The following SLC25A6 variants were observed in gnomAD, a reference collection of about 807,000 sequenced individuals.
SLC25A6 encodes the protein solute carrier family 25 member 6, also known as ADP/ATP translocase 3.
In SLC25A6, 9 loss-of-function variants were observed where a neutral mutation model predicts 25.7. The observed-to-expected ratio is 0.35, with a 90% CI of 0.21 to 0.61. SLC25A6 has a LOEUF of 0.61. Ranked by LOEUF, SLC25A6 falls within the 20% of genes least tolerant of loss-of-function variation. The pLI is 0.76. For missense variants in SLC25A6, 404 were observed against 440.5 expected (o/e 0.92, Z 0.74); for synonymous variants, 223 against 197.0 (o/e 1.13, Z -1.11).
At position 1,390,200 on chromosome X, in the gene SLC25A6, A is replaced by G. The variant is rs2089383397; in HGVS notation, c.112-473T>C. 4 of 181,826 alleles carry G rather than the reference A, an allele frequency of 2.2e-5. No homozygotes were observed. The South Asian group carries it at 4.6e-4, about 21-fold the overall frequency. 11.3% of individuals were successfully genotyped at this position (181,826 alleles called of 1,614,324 possible). A position where few individuals can be genotyped will look rare whatever the true frequency, so the allele number is the denominator to read the frequency against. ...CTAAGTTGAAAAATTACTTTTAGAG[A>G]TGGAGTCTTGCTACGATGACCAAGC... is the stretch of plus-strand genomic sequence containing the variant. On this transcript the variant is annotated intron_variant, in intron 1 of 3. Transcript: ENST00000381401.
intron 3 of SLC25A6, 23 bp downstream of exon 3, chrX:1,387,234 TGGTTCCCCTTCCCGGCAGCAAG>T: frequency 6.2e-7 from 1 of 1,603,020 alleles, no homozygotes; most frequent in Non-Finnish European, 8.5e-7. Flanking sequence ...GCAAGGAGCT[TGGTTCCCCTTCCCGGCAGCAAG>T]GGTCCCCCGC....
chrX:1,386,292 T>TA lies in SLC25A6; in HGVS notation c.*309dup, dbSNP rs1214286809. 5.6e-6 allele frequency: 2 copies of TA among 356,624 alleles called. No homozygotes were observed. Among genetic ancestry groups the TA allele is most frequent in the African/African-American group, 2.1e-5 (1 of 47,916 alleles). 22.1% of individuals were successfully genotyped at this position (356,624 alleles called of 1,614,324 possible). ...GATTCTTTTGTTTTAAATAAATACT[T>TA]AGAACACGACTTGGCTCCTACAAGC... On this transcript the variant is annotated 3_prime_UTR_variant, in exon 4 of 4. Transcript: ENST00000381401.
chrX:1,391,578 G>C (rs1187135381), intron 1 of SLC25A6, among the ~76,000 whole-genome samples: 5 of 152,246 alleles, frequency 3.3e-5, no homozygotes, highest in African/African-American at 1.2e-4. Context: ...CCAGCCGGGG[G>C]ACCCGCAGGA....
rs1290015362 is a variant in SLC25A6 at position 1,386,337 on chromosome X, G to A, written c.*265C>T. Reference sequence around the variant, plus strand: ...ACAAGCATCTGGACTCTAGGTCTCAGTACTGGAGTGTCTCACCCATGGGCC... The same window carrying A: ...ACAAGCATCTGGACTCTAGGTCTCAATACTGGAGTGTCTCACCCATGGGCC... On this transcript the variant is annotated 3_prime_UTR_variant, in exon 4 of 4. Coordinates refer to ENST00000381401, the MANE Select transcript of SLC25A6 (RefSeq NM_001636.4). The A allele has an allele frequency of 6.8e-6, 3 of 442,916 alleles. No homozygotes were observed. Among genetic ancestry groups the A allele is most frequent in the Non-Finnish European group, 1.2e-5 (3 of 254,382 alleles). The allele number at this position is 442,916 out of a possible 1,614,324, so 27.4% of individuals were successfully genotyped here.
At chrX:1,387,571 T>G in intron 2 of SLC25A6, 152 bp from the exon 3 acceptor site, 2 of 1,164,590 alleles carry the variant, frequency 1.7e-6, no homozygotes, top group Non-Finnish European at 2.4e-6. Flanking sequence ...CAGTGCCAGC[T>G]GACGTTTACA....
At chrX:1,390,938 T>C (rs760253085) in intron 1 of SLC25A6, among the ~76,000 whole-genome samples, 5 of 150,264 alleles carry the variant, frequency 3.3e-5, no homozygotes, top group Admixed American at 3.3e-4. Flanking sequence ...GTTTTAAAAA[T>C]TTTCTTAGAG....
In SLC25A6 at chrX:1,386,678, G is replaced by A. The variant is rs778134725; in HGVS notation, c.821C>T (p.Ala274Val). The change falls in exon 4 of 4, where the codon GCG (alanine) becomes GTG (valine). Residue 274 changes from alanine to valine, a missense_variant. Coordinates refer to ENST00000381401, the MANE Select transcript of SLC25A6 (RefSeq NM_001636.4). ...DEGGKAFFKG[A>V]WSNVLRGMGG... Reference sequence around the variant, plus strand: ...CATGCCCCGCAGGACGTTGGACCACGCACCCTTGAAGAAGGCCTTGCCCCC... The same window carrying A: ...CATGCCCCGCAGGACGTTGGACCACACACCCTTGAAGAAGGCCTTGCCCCC... 77 of 1,612,954 alleles carry A rather than the reference G, an allele frequency of 4.8e-5. No homozygotes were observed. In the Admixed American group the frequency reaches 1.0e-3, roughly 22 times the overall value.
At position 1,392,024 on chromosome X, in the gene SLC25A6, C is replaced by G; in HGVS notation, c.-15G>C. 6.3e-7 allele frequency: 1 copy of G among 1,587,666 alleles called. No homozygotes were observed. Among genetic ancestry groups the G allele is most frequent in the Non-Finnish European group, 8.6e-7 (1 of 1,163,782 alleles). On this transcript the variant is annotated 5_prime_UTR_variant, in exon 1 of 4. Coordinates refer to ENST00000381401, the MANE Select transcript of SLC25A6 (RefSeq NM_001636.4). ...TGTTCCGTCATGGTGGCAGGGCGGGCAGCGGAACGGGAGGACAGCCGGAGA... is the reference window on the plus strand; with the variant it reads ...TGTTCCGTCATGGTGGCAGGGCGGGGAGCGGAACGGGAGGACAGCCGGAGA...
chrX:1,386,862 G>T (rs1464542792), intron 3 of SLC25A6, 103 bp from the exon 4 acceptor site: 3 of 1,356,504 alleles, frequency 2.2e-6, no homozygotes, highest in East Asian at 2.4e-5. Context: ...CACCCCAGAC[G>T]CCTGAGCCAC....
Position 1,387,897 on chromosome X carries a change from C to T in SLC25A6, c.599-478G>A, listed in dbSNP as rs192230552. 9.2e-5 allele frequency among the ~76,000 whole-genome samples: 14 copies of T among 152,234 alleles called. No individual in the cohort carries two copies. The East Asian group carries it at 2.5e-3, about 27-fold the overall frequency. Reference sequence around the variant, plus strand: ...GTGTCCTTCTAAAAAGAGATGAGGACACAGACACACGGAGGGATGACCCTG... The same window carrying T: ...GTGTCCTTCTAAAAAGAGATGAGGATACAGACACACGGAGGGATGACCCTG... On this transcript the variant is annotated intron_variant, in intron 2 of 3. Transcript: ENST00000381401.
At chrX:1,388,157 G>A (rs1318562147) in intron 2 of SLC25A6, among the ~76,000 whole-genome samples, 2 of 152,094 alleles carry the variant, frequency 1.3e-5, no homozygotes, top group African/African-American at 4.8e-5. Flanking sequence ...ATGACCCTGT[G>A]AGGACACAGG....
intron 2 of SLC25A6, among the ~76,000 whole-genome samples, chrX:1,388,706 AG>A (rs2089360289): frequency 6.6e-6 from 1 of 151,966 alleles, no homozygotes; most frequent in Non-Finnish European, 1.5e-5. Context: ...TTCAGCCTGC[AG>A]GACTGTGGGA....
intron 2 of SLC25A6, 59 bp from the exon 3 acceptor site, chrX:1,387,478 TCGGCCCCCAGGGTGTGCTCA>T (rs1307477192): frequency 1.1e-5 from 18 of 1,597,176 alleles, no homozygotes; most frequent in Middle Eastern, 2.1e-4. Context: ...GAGACCAGGG[TCGGCCCCCAGGGTGTGCTCA>T]CGGCCCCCTG....
intron 2 of SLC25A6, among the ~76,000 whole-genome samples, chrX:1,389,022 G>A (rs1346360516): frequency 2.0e-5 from 3 of 151,426 alleles, no homozygotes; most frequent in African/African-American, 4.9e-5. Context: ...AATGGATTAA[G>A]ACATCCCATA....
Position 1,387,110 on chromosome X carries a change from C to CCAT in SLC25A6, c.739+166_739+168dup, listed in dbSNP as rs773478379. 1.7e-3 allele frequency among the ~76,000 whole-genome samples: 253 copies of CCAT among 152,264 alleles called. 1 individual carries two copies. The highest frequency in any genetic ancestry group is 5.9e-3 in the African/African-American group (244 of 41,554). Reference sequence around the variant, plus strand: ...ATGAAACCCCAAAAAGATCAGAAGCCCATCGTTCAGGAAAATCCTTCCACA... The same window carrying CCAT: ...ATGAAACCCCAAAAAGATCAGAAGCCCATCATCGTTCAGGAAAATCCTTCCACA... On this transcript the variant is annotated intron_variant, in intron 3 of 3. Coordinates refer to ENST00000381401, the MANE Select transcript of SLC25A6 (RefSeq NM_001636.4).
Position 1,389,410 on chromosome X carries a change from C to G in SLC25A6, c.429G>C (p.Ala143=). Residue 143 remains alanine (A), a synonymous_variant, in exon 2 of 4, where the codon GCG becomes GCC. Transcript: ENST00000381401. ...GCTCTGTGCCTGACTTTCCCACGTC[C>G]GCTGCCAGGCGGGTTCTGGCGAAAT... The part of the protein sequence containing the change: ...PLDFARTRLA[A]DVGKSGTERE... The G allele has an allele frequency of 6.2e-7, 1 of 1,613,720 alleles. No individual in the cohort carries two copies. Among genetic ancestry groups the G allele is most frequent in the Non-Finnish European group, 8.5e-7 (1 of 1,179,852 alleles).
At chrX:1,391,113 G>A (rs1479497987) in intron 1 of SLC25A6, among the ~76,000 whole-genome samples, 2 of 150,622 alleles carry the variant, frequency 1.3e-5, no homozygotes, top group African/African-American at 4.9e-5. Flanking sequence ...AATGCACTGG[G>A]ACGTCCTGCT....
Position 1,389,485 on chromosome X carries a change from G to A in SLC25A6, c.354C>T (p.Ala118=). ...QFWRYFAGNL[A]SGGAAGATSL... Reference sequence around the variant, plus strand: ...AGGTCGCGCCGGCCGCACCGCCGGAGGCCAGGTTGCCCGCAAAGTACCTCC... The same window carrying A: ...AGGTCGCGCCGGCCGCACCGCCGGAAGCCAGGTTGCCCGCAAAGTACCTCC... The change falls in exon 2 of 4, where the codon GCC becomes GCT. Residue 118 remains alanine, a synonymous_variant. Coordinates refer to ENST00000381401, the MANE Select transcript of SLC25A6 (RefSeq NM_001636.4). 6.2e-7 allele frequency: 1 copy of A among 1,614,136 alleles called. No individual in the cohort carries two copies.
chrX:1,391,616 C>A (rs1163083015), intron 1 of SLC25A6, among the ~76,000 whole-genome samples: 1 of 152,262 alleles, frequency 6.6e-6, no homozygotes, highest in Non-Finnish European at 1.5e-5. Context: ...GCCCGCCAGC[C>A]GCAGGGTCCG....
Sources: gnomAD v4.1 joint callset for allele counts (sites outside exome capture counted in the v4.1 genomes callset) on GRCh38, gnomAD v4.1.1 for gene constraint, MANE v1.5 for transcripts, NCBI Gene and HGNC (gene_info 2026-07-23, HGNC 2026-07-21) for gene names.